The following SORD variants were observed in gnomAD, a reference collection of about 807,000 sequenced individuals.
SORD encodes the protein (R,R)-butanediol dehydrogenase.
In SORD, 18 loss-of-function variants were observed where a neutral mutation model predicts 35.6. That is an observed-to-expected ratio of 0.51 (90% CI 0.35 to 0.75). SORD has a LOEUF of 0.75. SORD is among the 30% of genes least tolerant of loss of function. The pLI is 0.01. For synonymous variants in SORD, 106 were observed against 152.9 expected (o/e 0.69, Z 2.26); for missense variants, 250 against 390.2 (o/e 0.64, Z 3.03).
At chr15:45,041,674 C>G (rs1327869103) in intron 2 of SORD, 2 of 152,190 alleles carry the variant, frequency 1.3e-5, no homozygotes, top group South Asian at 4.1e-4. Context: ...GAAAGAGTTA[C>G]CTCACTGTGT....
At chr15:45,056,431 G>T (rs1352713881) in intron 3 of SORD, among the ~76,000 whole-genome samples, 1 of 152,170 alleles carries the variant, frequency 6.6e-6, no homozygotes, top group Non-Finnish European at 1.5e-5. Flanking sequence ...ACTTACAAGG[G>T]ACGTGAAGGA....
chr15:45,063,250 TTG>T (rs1217681370), intron 4 of SORD, among the ~76,000 whole-genome samples: 2 of 151,940 alleles, frequency 1.3e-5, no homozygotes, highest in Admixed American at 6.6e-5. Context: ...CTCTTTATTT[TTG>T]TATCTATTTT....
intron 1 of SORD, among the ~76,000 whole-genome samples, chr15:45,040,039 A>ATTGGCCT (rs1190800877): frequency 2.6e-5 from 4 of 151,928 alleles, no homozygotes; most frequent in Admixed American, 6.5e-5. Flanking sequence ...CTCAGTTAGG[A>ATTGGCCT]TTGGCCTTTG....
At chr15:45,030,996 G>A (rs910850175) in intron 1 of SORD, among the ~76,000 whole-genome samples, 4 of 152,234 alleles carry the variant, frequency 2.6e-5, no homozygotes, top group East Asian at 1.9e-4. Flanking sequence ...ACATACCAAC[G>A]ATCATGCAAA....
chr15:45,066,604 TCC>T (rs1293880672), intron 5 of SORD, among the ~76,000 whole-genome samples: 7 of 152,178 alleles, frequency 4.6e-5, no homozygotes, highest in Non-Finnish European at 1.0e-4. Flanking sequence ...CCTTCTCTCA[TCC>T]CCTGTTTCAA....
chr15:45,061,986 T>C (rs1566963622), intron 4 of SORD, among the ~76,000 whole-genome samples: 1 of 152,136 alleles, frequency 6.6e-6, no homozygotes. Context: ...ATCCTGGATC[T>C]ACTCCCTCCT....
At position 45,023,281 on chromosome 15, in the gene SORD, T is replaced by C. The variant is rs1370643865; in HGVS notation, c.-3T>C. 1.3e-6 allele frequency: 2 copies of C among 1,580,896 alleles called. No homozygotes were observed. The highest frequency in any genetic ancestry group is 2.4e-5 in the East Asian group (1 of 42,316). ...GGCCGCACTCCAGAGCCAAAAGAGCTCCATGGCGGCGGCGGCCAAGCCCAA... is the reference window on the plus strand; with the variant it reads ...GGCCGCACTCCAGAGCCAAAAGAGCCCCATGGCGGCGGCGGCCAAGCCCAA... On this transcript the variant is annotated 5_prime_UTR_variant, in exon 1 of 9. Coordinates refer to ENST00000267814, the MANE Select transcript of SORD (RefSeq NM_003104.6).
chr15:45,024,418 G>A (rs1043457606), intron 1 of SORD, among the ~76,000 whole-genome samples: 8 of 152,122 alleles, frequency 5.3e-5, no homozygotes, highest in South Asian at 2.1e-4. Flanking sequence ...CCTTTAAGCC[G>A]CTCTAAGCCC....
At position 45,023,229 on chromosome 15, in the gene SORD, G is replaced by C. The variant is rs1892616948; in HGVS notation, c.-55G>C. On this transcript the variant is annotated 5_prime_UTR_variant, in exon 1 of 9. Transcript: ENST00000267814. ...GACCCTCGGCTGGGTAGCGCCACCAGAGCGACCAAACGTCCCGCGCCTTCC... is the reference window on the plus strand; with the variant it reads ...GACCCTCGGCTGGGTAGCGCCACCACAGCGACCAAACGTCCCGCGCCTTCC... 3 of 1,459,930 alleles carry C rather than the reference G, an allele frequency of 2.1e-6. No individual in the cohort carries two copies. Among genetic ancestry groups the C allele is most frequent in the South Asian group, 1.4e-5 (1 of 72,570 alleles). 90.4% of individuals were successfully genotyped at this position (1,459,930 alleles called of 1,614,324 possible).
At chr15:45,066,575 G>A (rs1449753263) in intron 5 of SORD, among the ~76,000 whole-genome samples, 2 of 152,202 alleles carry the variant, frequency 1.3e-5, no homozygotes, top group African/African-American at 4.8e-5. Flanking sequence ...TCTGCCTGCA[G>A]TAGGGCTGTA....
At chr15:45,052,670 A>T (rs1411131977) in intron 3 of SORD, among the ~76,000 whole-genome samples, 1 of 152,178 alleles carries the variant, frequency 6.6e-6, no homozygotes, top group Non-Finnish European at 1.5e-5. Flanking sequence ...GTTCAAATTC[A>T]TTGGGCAGAC....
In SORD at chr15:45,023,308, A is replaced by C; in HGVS notation, c.25A>C (p.Asn9His). The C allele has an allele frequency of 6.3e-7, 1 of 1,590,416 alleles. No homozygotes were observed. Among genetic ancestry groups the C allele is most frequent in the Non-Finnish European group, 8.5e-7 (1 of 1,169,816 alleles). MAAAAKPN[N>H]LSLVVHGPGD... ...CATGGCGGCGGCGGCCAAGCCCAAC[A>C]ACCTTTCCCTGGTGGTGCACGGACC... The change falls in exon 1 of 9, where the codon AAC becomes CAC. Residue 9 changes from asparagine (N) to histidine (H), a missense_variant. Around this residue, in one of 8 missense-constraint regions of SORD, gnomAD observed 43 missense variants for 30.6 expected, o/e 1.40. Transcript: ENST00000267814.
In SORD at chr15:45,024,687, G is replaced by C. The variant is rs548159502; in HGVS notation, c.66+1338G>C. Among the ~76,000 whole-genome samples, 19 of 152,230 alleles carry C rather than the reference G, an allele frequency of 1.2e-4. No individual in the cohort carries two copies. The East Asian group carries it at 3.7e-3, about 29-fold the overall frequency. On this transcript the variant is annotated intron_variant, in intron 1 of 8. Coordinates refer to ENST00000267814, the MANE Select transcript of SORD (RefSeq NM_003104.6). Reference sequence around the variant, plus strand: ...GTGGTCCAGCTCTACCCAGCTTGCAGAGTGATTTCCAACTCAGTACTTCAT... The same window carrying C: ...GTGGTCCAGCTCTACCCAGCTTGCACAGTGATTTCCAACTCAGTACTTCAT...
At chr15:45,025,775 G>A (rs1425639736) in intron 1 of SORD, among the ~76,000 whole-genome samples, 2 of 152,236 alleles carry the variant, frequency 1.3e-5, no homozygotes, top group African/African-American at 4.8e-5. Flanking sequence ...GAGCAGTACT[G>A]CACTGCCCCG....
chr15:45,036,213 C>T, intron 1 of SORD: 2 of 403,586 alleles, frequency 5.0e-6, no homozygotes, highest in South Asian at 1.8e-5. Context: ...TGCGAGGGTC[C>T]GCAGCTTCAT....
chr15:45,073,579 C>A lies in SORD; in HGVS notation c.*49C>A, dbSNP rs1267113140. ...CCCACAGTCTTGGGATCTCAGGGCA[C>A]AATGGCTGGACATGGGTGGGCTCTG... On this transcript the variant is annotated 3_prime_UTR_variant, in exon 9 of 9. Coordinates refer to ENST00000267814, the MANE Select transcript of SORD (RefSeq NM_003104.6). The A allele has an allele frequency of 6.3e-7, 1 of 1,577,086 alleles. No individual in the cohort carries two copies. Among genetic ancestry groups the A allele is most frequent in the East Asian group, 2.2e-5 (1 of 44,452 alleles).
At chr15:45,065,071 G>T (rs1566964336) in intron 4 of SORD, among the ~76,000 whole-genome samples, 200 bp from the exon 5 acceptor site, 1 of 152,218 alleles carries the variant, frequency 6.6e-6, no homozygotes, top group Non-Finnish European at 1.5e-5. Context: ...AAATGGGAAT[G>T]ATAGTACCTA....
At chr15:45,058,879 T>C (rs560412678) in intron 3 of SORD, among the ~76,000 whole-genome samples, 2 of 152,322 alleles carry the variant, frequency 1.3e-5, no homozygotes, top group African/African-American at 4.8e-5. Flanking sequence ...GCTGCAAGCA[T>C]GTATTAGGCA....
intron 4 of SORD, among the ~76,000 whole-genome samples, chr15:45,061,865 T>C (rs937241424): frequency 6.6e-6 from 1 of 151,604 alleles, no homozygotes; most frequent in Non-Finnish European, 1.5e-5. Context: ...CGAGACTCCG[T>C]CTCAAAAAGA....
Sources: allele counts gnomAD v4.1 joint callset (sites outside exome capture counted in the v4.1 genomes callset), GRCh38; gene constraint gnomAD v4.1.1; regional missense constraint gnomAD v4.1.1; transcripts MANE v1.5; gene names NCBI Gene and HGNC (gene_info 2026-07-23, HGNC 2026-07-21).